Variants in RANBP2 observed in about 807,000 individuals in gnomAD.
The protein encoded by RANBP2 is RAN binding protein 2.
A neutral mutation model predicts 303.6 loss-of-function variants in RANBP2; 57 were observed. That is an observed-to-expected ratio of 0.19 (90% CI 0.15 to 0.23). The LOEUF (loss-of-function observed/expected upper bound fraction) is 0.23. Among genes scored for constraint, RANBP2 ranks in the 10% least tolerant of loss-of-function variants. The pLI is 1.00. For synonymous variants in RANBP2, 1,167 were observed against 1,301.5 expected (o/e 0.90, Z 2.23); for missense variants, 3,138 against 3,780.8 (o/e 0.83, Z 4.46).
the RANBP2 span, among the ~76,000 whole-genome samples, chr2:109,264,390 C>G: frequency 6.6e-6 from 1 of 151,870 alleles, no homozygotes; most frequent in Non-Finnish European, 1.5e-5. Flanking sequence ...CCAGGATCCA[C>G]CTCGAGTCTG....
chr2:109,620,220 T>C, the RANBP2 span, among the ~76,000 whole-genome samples: 1 of 152,250 alleles, frequency 6.6e-6, no homozygotes, highest in Non-Finnish European at 1.5e-5. Flanking sequence ...TATGGATAAT[T>C]CAATTACATG....
At chr2:109,312,836 G>T in the RANBP2 span, among the ~76,000 whole-genome samples, 41 of 152,196 alleles carry the variant, frequency 2.7e-4, no homozygotes, top group African/African-American at 9.4e-4. Flanking sequence ...TTAACATTTG[G>T]GTACAAACAT....
the RANBP2 span, chr2:109,615,530 G>C: frequency 3.1e-6 from 5 of 1,613,974 alleles, no homozygotes; most frequent in Non-Finnish European, 1.7e-6. Context: ...CCCTGCACTT[G>C]GCAGCCATGC....
intron 8 of RANBP2, among the ~76,000 whole-genome samples, chr2:108,747,867 T>G (rs1433593291): frequency 6.6e-6 from 1 of 152,210 alleles, no homozygotes; most frequent in African/African-American, 2.4e-5. Flanking sequence ...TTTAGTATGT[T>G]CATAGAGTAT....
rs1678540784 is a variant in RANBP2, at chr2:108,785,269, A to G, written c.*1368A>G. 1 of 152,232 alleles carries G rather than the reference A, an allele frequency of 6.6e-6. No individual in the cohort carries two copies. Among genetic ancestry groups the G allele is most frequent in the Non-Finnish European group, 1.5e-5 (1 of 68,040 alleles). 9.4% of individuals were successfully genotyped at this position (152,232 alleles called of 1,614,324 possible). A position where few individuals can be genotyped will look rare whatever the true frequency, so the allele number is the denominator to read the frequency against. On this transcript the variant is annotated 3_prime_UTR_variant, in exon 29 of 29. Transcript: ENST00000283195. ...TATACCATCACCATTCCACTCGGCC[A>G]CAAAGCCAGATACTTGAAATAAACC...
intron 25 of RANBP2, among the ~76,000 whole-genome samples, chr2:108,778,834 TCCTTCCA>T (rs1678049666): frequency 6.6e-6 from 1 of 151,058 alleles, no homozygotes; most frequent in Non-Finnish European, 1.5e-5. Context: ...TCTAAAGCAA[TCCTTCCA>T]CCTCAGCTTC....
chr2:108,802,499 A>G, the RANBP2 span, among the ~76,000 whole-genome samples: 2 of 145,360 alleles, frequency 1.4e-5, no homozygotes, highest in African/African-American at 5.4e-5. Context: ...GACTTTGCTG[A>G]AGTTGCTTAT....
chr2:109,719,831 C>T, the RANBP2 span, among the ~76,000 whole-genome samples: 2 of 152,208 alleles, frequency 1.3e-5, no homozygotes, highest in African/African-American at 2.4e-5. Flanking sequence ...GATGATTCCT[C>T]TGGGCATCAT....
At chr2:109,622,743 T>G in the RANBP2 span, among the ~76,000 whole-genome samples, 2 of 152,232 alleles carry the variant, frequency 1.3e-5, no homozygotes, top group Non-Finnish European at 2.9e-5. Flanking sequence ...ATCATGAGAT[T>G]AAACGCCAGC....
the RANBP2 span, among the ~76,000 whole-genome samples, chr2:108,959,307 G>GATGGAGAGATGACCTGGTGT: frequency 6.6e-6 from 1 of 152,220 alleles, no homozygotes; most frequent in Non-Finnish European, 1.5e-5. Flanking sequence ...CAGCCTGGTG[G>GATGGAGAGATGACCTGGTGT]ATGGAGAGAT....
At chr2:109,701,053 C>T in the RANBP2 span, among the ~76,000 whole-genome samples, 7 of 152,280 alleles carry the variant, frequency 4.6e-5, no homozygotes, top group Non-Finnish European at 7.4e-5. Flanking sequence ...GCAGGAGACG[C>T]GTTCACAGGA....
chr2:109,490,219 A>G, the RANBP2 span, among the ~76,000 whole-genome samples: 4 of 152,214 alleles, frequency 2.6e-5, no homozygotes, highest in African/African-American at 9.6e-5. Context: ...GCCTTGGAAA[A>G]TAGAAATAAT....
At chr2:109,302,876 TTTTG>T in the RANBP2 span, among the ~76,000 whole-genome samples, 2 of 152,102 alleles carry the variant, frequency 1.3e-5, no homozygotes, top group Non-Finnish European at 2.9e-5. Context: ...CCTTAGCTTT[TTTTG>T]TTTGTTTGTT....
At chr2:109,206,141 T>G in the RANBP2 span, among the ~76,000 whole-genome samples, 1 of 152,142 alleles carries the variant, frequency 6.6e-6, no homozygotes, top group Non-Finnish European at 1.5e-5. Context: ...AGGTTTTGCT[T>G]GGTGTAGAAT....
chr2:109,358,068 C>T, the RANBP2 span, among the ~76,000 whole-genome samples: 1 of 152,236 alleles, frequency 6.6e-6, no homozygotes. Context: ...TCCTCCACCA[C>T]CCCTGGCAAC....
At chr2:109,657,298 A>G in the RANBP2 span, among the ~76,000 whole-genome samples, 1 of 152,008 alleles carries the variant, frequency 6.6e-6, no homozygotes. Context: ...AATACAAAAA[A>G]CTAGCCAGGT....
chr2:109,014,285 C>T, the RANBP2 span, among the ~76,000 whole-genome samples: 1 of 152,202 alleles, frequency 6.6e-6, no homozygotes, highest in African/African-American at 2.4e-5. Context: ...GCGAGACACC[C>T]ACGCTGTGGT....
At chr2:109,494,544 A>C in the RANBP2 span, among the ~76,000 whole-genome samples, 1 of 152,176 alleles carries the variant, frequency 6.6e-6, no homozygotes, top group Non-Finnish European at 1.5e-5. Flanking sequence ...CTTGTGAGTA[A>C]AACTTACTTC....
chr2:109,416,087 TCA>T, the RANBP2 span, among the ~76,000 whole-genome samples: 3 of 152,196 alleles, frequency 2.0e-5, no homozygotes, highest in Non-Finnish European at 4.4e-5. Flanking sequence ...ATCGCACTTC[TCA>T]GTCTCCAGAA....
Sources: allele counts gnomAD v4.1 joint callset (sites outside exome capture counted in the v4.1 genomes callset), GRCh38; gene constraint gnomAD v4.1.1; transcripts MANE v1.5; gene names NCBI Gene and HGNC (gene_info 2026-07-23, HGNC 2026-07-21).